Variants in EPHA6 observed in about 807,000 individuals in gnomAD.
The protein encoded by EPHA6 is ephrin type-A receptor 6.
In EPHA6, 50 loss-of-function variants were observed where a neutral mutation model predicts 112.0. The observed-to-expected ratio is 0.45, with a 90% CI of 0.36 to 0.56. The LOEUF is 0.56. Ranked by LOEUF, EPHA6 falls within the 20% of genes least tolerant of loss-of-function variation. The pLI is 0.00. For synonymous variants in EPHA6, 529 were observed against 490.7 expected (o/e 1.08, Z -1.03); for missense variants, 1,280 against 1,417.4 (o/e 0.90, Z 1.56).
intron 11 of EPHA6, among the ~76,000 whole-genome samples, chr3:97,552,496 C>T (rs2093042559): frequency 1.3e-5 from 2 of 152,050 alleles, no homozygotes; most frequent in Non-Finnish European, 2.9e-5. Flanking sequence ...GAATCTAGTT[C>T]CAAATATAAT....
chr3:96,882,768 G>GTGTATGTATA (rs774521290), intron 2 of EPHA6, among the ~76,000 whole-genome samples: 20 of 148,900 alleles, frequency 1.3e-4, no homozygotes, highest in African/African-American at 4.3e-4. Flanking sequence ...GTGTGTGTGT[G>GTGTATGTATA]TATAGTCAAT....
chr3:96,934,825 C>T lies in EPHA6; in HGVS notation c.451-52505C>T, dbSNP rs2040498218. ...TCCTTTTCCTGAAGGACAATCAATC[C>T]TAAATATGAAAATAGAGGTTAGAAA... On this transcript the variant is annotated intron_variant, in intron 2 of 17. Coordinates refer to ENST00000389672, the MANE Select transcript of EPHA6 (RefSeq NM_001080448.3). Among the ~76,000 whole-genome samples, 3 of 149,098 alleles carry T rather than the reference C, an allele frequency of 2.0e-5. No homozygotes were observed. In the South Asian group the frequency reaches 6.3e-4, roughly 31 times the overall value.
Position 97,226,428 on chromosome 3 carries a change from A to G in EPHA6, c.1270+9A>G. ...TTCTATGGCATGTACCAGTAAGTCT[A>G]TACATTTTGGATTTGGAAATTCTGT... On this transcript the variant is annotated intron_variant, in intron 4 of 17. Transcript: ENST00000389672. The G allele has an allele frequency of 1.9e-6, 3 of 1,589,560 alleles. No homozygotes were observed. The highest frequency in any genetic ancestry group is 1.2e-5 in the South Asian group (1 of 86,208).
chr3:96,878,641 T>G (rs2037119848), intron 2 of EPHA6, among the ~76,000 whole-genome samples: 1 of 152,080 alleles, frequency 6.6e-6, no homozygotes, highest in Non-Finnish European at 1.5e-5. Context: ...TGAGCTAATG[T>G]CATTAAATAT....
At chr3:97,542,125 G>T (rs1170521873) in intron 11 of EPHA6, among the ~76,000 whole-genome samples, 1 of 151,488 alleles carries the variant, frequency 6.6e-6, no homozygotes, top group Non-Finnish European at 1.5e-5. Flanking sequence ...ACGTTTTAGG[G>T]TACATGTGCA....
At chr3:96,947,644 C>G (rs142296956) in intron 2 of EPHA6, among the ~76,000 whole-genome samples, 1,900 of 152,238 alleles carry the variant, frequency 0.012, 36 homozygotes, top group African/African-American at 0.041. Flanking sequence ...AACTCCCATT[C>G]ACAATTGCTT....
Position 97,247,200 on chromosome 3 carries a change from A to G in EPHA6, c.1606+2913A>G, listed in dbSNP as rs147143339. Among the ~76,000 whole-genome samples, 426 of 152,134 alleles carry G rather than the reference A, an allele frequency of 2.8e-3. 3 individuals carry two copies. The highest frequency in any genetic ancestry group is 9.8e-3 in the African/African-American group (408 of 41,566). On this transcript the variant is annotated intron_variant, in intron 5 of 17. Coordinates refer to ENST00000389672, the MANE Select transcript of EPHA6 (RefSeq NM_001080448.3). ...TACGATTTCACTGGACTGAGAGGAC[A>G]AGAGTAAAGTGGTTTACCTTCTCTG... is the stretch of plus-strand genomic sequence containing the variant.
intron 10 of EPHA6, among the ~76,000 whole-genome samples, chr3:97,525,242 A>G (rs1010080358): frequency 6.6e-6 from 1 of 151,874 alleles, no homozygotes; most frequent in Non-Finnish European, 1.5e-5. Flanking sequence ...TCAAATTCAC[A>G]ATTTCTAATT....
intron 5 of EPHA6, among the ~76,000 whole-genome samples, chr3:97,300,204 A>T (rs1523773): frequency 0.021 from 3,268 of 152,262 alleles, 87 homozygotes; most frequent in African/African-American, 0.067. Flanking sequence ...AATGGAGAAA[A>T]GTCATGCCAA....
intron 10 of EPHA6, among the ~76,000 whole-genome samples, chr3:97,515,989 T>C (rs1362560080): frequency 6.6e-6 from 1 of 151,972 alleles, no homozygotes. Context: ...AAATCCTGCT[T>C]CCTGGCCTAG....
At chr3:97,499,330 C>T (rs2092060887) in intron 10 of EPHA6, among the ~76,000 whole-genome samples, 1 of 152,190 alleles carries the variant, frequency 6.6e-6, no homozygotes, top group Non-Finnish European at 1.5e-5. Flanking sequence ...ATGATACCTT[C>T]ATAACTTAAA....
chr3:97,449,306 C>T (rs781546866), intron 7 of EPHA6, among the ~76,000 whole-genome samples: 5 of 152,028 alleles, frequency 3.3e-5, no homozygotes, highest in African/African-American at 4.8e-5. Context: ...CATTCTAAAC[C>T]CAGCTTTACC....
At chr3:97,177,168 A>T (rs565565233) in intron 3 of EPHA6, among the ~76,000 whole-genome samples, 2 of 151,854 alleles carry the variant, frequency 1.3e-5, no homozygotes, top group Non-Finnish European at 2.9e-5. Flanking sequence ...TTTAATTTTC[A>T]TGTATTTGTG....
chr3:97,657,307 G>A (rs2094142982), intron 14 of EPHA6, among the ~76,000 whole-genome samples: 1 of 151,682 alleles, frequency 6.6e-6, no homozygotes, highest in South Asian at 2.1e-4. Flanking sequence ...TAAAGGAAAA[G>A]CATAAATTTG....
chr3:97,648,849 A>T (rs2094086922), intron 14 of EPHA6, among the ~76,000 whole-genome samples: 1 of 152,164 alleles, frequency 6.6e-6, no homozygotes, highest in Non-Finnish European at 1.5e-5. Flanking sequence ...AAATTCTACC[A>T]CAGGATTCTC....
chr3:97,480,538 A>G (rs4371526), intron 9 of EPHA6, among the ~76,000 whole-genome samples: 1 of 151,352 alleles, frequency 6.6e-6, no homozygotes, highest in South Asian at 2.1e-4. Context: ...TCAGAGAGCA[A>G]GGGGTTGGGG....
intron 14 of EPHA6, among the ~76,000 whole-genome samples, chr3:97,653,463 A>T (rs902190451): frequency 2.6e-5 from 4 of 152,046 alleles, no homozygotes; most frequent in African/African-American, 7.2e-5. Context: ...ATATCACCTC[A>T]TACCTATTAG....
chr3:97,598,352 T>A, intron 12 of EPHA6, among the ~76,000 whole-genome samples: 1 of 150,802 alleles, frequency 6.6e-6, no homozygotes, highest in Non-Finnish European at 1.5e-5. Context: ...GCCATGCTGG[T>A]GCGCTGCACC....
intron 5 of EPHA6, among the ~76,000 whole-genome samples, chr3:97,374,185 T>G (rs919143650): frequency 2.0e-5 from 3 of 152,056 alleles, no homozygotes; most frequent in African/African-American, 7.2e-5. Context: ...CCACACCTAT[T>G]TCTAAATTAA....
Sources: gnomAD v4.1 joint callset for allele counts (sites outside exome capture counted in the v4.1 genomes callset) on GRCh38, gnomAD v4.1.1 for gene constraint, MANE v1.5 for transcripts, NCBI Gene and HGNC (gene_info 2026-07-23, HGNC 2026-07-21) for gene names.